The following HS3ST4 variants were observed in gnomAD, a reference collection of about 807,000 sequenced individuals.
HS3ST4 encodes the protein heparan sulfate-glucosamine 3-sulfotransferase 4, also known as heparan sulfate glucosamine 3-O-sulfotransferase 4.
In HS3ST4, 17 loss-of-function variants were observed where a neutral mutation model predicts 29.2. The ratio of observed to expected loss-of-function variants is 0.58; its 90% CI spans 0.40 to 0.87. The LOEUF is 0.87. Among genes scored for constraint, HS3ST4 ranks in the 40% least tolerant of loss-of-function variants. HS3ST4 has a pLI of 0.00. For synonymous variants in HS3ST4, 314 were observed against 285.7 expected (o/e 1.10, Z -1.00); for missense variants, 627 against 634.5 (o/e 0.99, Z 0.13).
At chr16:25,736,727 A>T (rs1179008184) in intron 1 of HS3ST4, among the ~76,000 whole-genome samples, 3 of 152,182 alleles carry the variant, frequency 2.0e-5, no homozygotes. Flanking sequence ...TCCAGTTCCC[A>T]GTGTCCTCCT....
At chr16:25,763,558 G>C (rs1345568124) in intron 1 of HS3ST4, among the ~76,000 whole-genome samples, 3 of 152,184 alleles carry the variant, frequency 2.0e-5, no homozygotes, top group Non-Finnish European at 4.4e-5. Context: ...TGCAGTAATA[G>C]ACACTGTCTA....
chr16:26,106,425 T>G, intron 1 of HS3ST4, among the ~76,000 whole-genome samples: 1 of 152,214 alleles, frequency 6.6e-6, no homozygotes, highest in East Asian at 1.9e-4. Flanking sequence ...ATAAATGAGA[T>G]ATTTTGTATA....
intron 1 of HS3ST4, chr16:25,886,888 GCTGA>G (rs1967959854): frequency 6.6e-6 from 1 of 152,234 alleles, no homozygotes; most frequent in Non-Finnish European, 1.5e-5. Flanking sequence ...CCAGCATGGA[GCTGA>G]CTGTTTGTCC....
intron 1 of HS3ST4, among the ~76,000 whole-genome samples, chr16:25,887,302 G>A (rs767481125): frequency 1.3e-5 from 2 of 152,110 alleles, no homozygotes; most frequent in Non-Finnish European, 2.9e-5. Context: ...AAGTAGGAAG[G>A]TGGCACAGGG....
intron 1 of HS3ST4, among the ~76,000 whole-genome samples, chr16:26,059,995 G>C (rs937376758): frequency 2.0e-5 from 3 of 152,048 alleles, no homozygotes; most frequent in African/African-American, 7.2e-5. Context: ...GGCCAGGCTG[G>C]TCTCAAACTC....
At chr16:25,757,230 C>T (rs865868429) in intron 1 of HS3ST4, among the ~76,000 whole-genome samples, 30 of 152,218 alleles carry the variant, frequency 2.0e-4, no homozygotes, top group Admixed American at 7.2e-4. Flanking sequence ...ATCCCAGTAC[C>T]ACATTATTTT....
chr16:25,713,257 G>A (rs1966429466), intron 1 of HS3ST4, among the ~76,000 whole-genome samples: 1 of 151,964 alleles, frequency 6.6e-6, no homozygotes. Flanking sequence ...GGTCAGGTGT[G>A]GTGGCTCACA....
At chr16:25,828,301 CCTCTCTCTCT>C (rs1196055715) in intron 1 of HS3ST4, among the ~76,000 whole-genome samples, 441 of 32,848 alleles carry the variant, frequency 0.013, 14 homozygotes, top group South Asian at 0.023. Context: ...TCTTTCTTTC[CCTCTCTCTCT>C]CTCTCTCTCT....
At chr16:25,867,105 A>T (rs897417276) in intron 1 of HS3ST4, among the ~76,000 whole-genome samples, 6 of 152,244 alleles carry the variant, frequency 3.9e-5, no homozygotes, top group Admixed American at 1.3e-4. Context: ...TGATAGAATT[A>T]AAACAACTTC....
chr16:25,752,927 T>C (rs937461159), intron 1 of HS3ST4, among the ~76,000 whole-genome samples: 1 of 152,220 alleles, frequency 6.6e-6, no homozygotes, highest in Non-Finnish European at 1.5e-5. Flanking sequence ...GACGGTATTA[T>C]AGAGGGAGTG....
chr16:25,936,099 T>G (rs1008367655), intron 1 of HS3ST4, among the ~76,000 whole-genome samples: 6 of 152,170 alleles, frequency 3.9e-5, no homozygotes, highest in African/African-American at 1.4e-4. Context: ...TGACTTCTGC[T>G]GAGCAACTGA....
At chr16:25,706,294 C>T (rs1408345472) in intron 1 of HS3ST4, among the ~76,000 whole-genome samples, 1 of 152,138 alleles carries the variant, frequency 6.6e-6, no homozygotes, top group Non-Finnish European at 1.5e-5. Context: ...ATTGACCTAT[C>T]CTCTCTTTTC....
At chr16:26,078,209 C>T (rs766145381) in intron 1 of HS3ST4, among the ~76,000 whole-genome samples, 4 of 152,074 alleles carry the variant, frequency 2.6e-5, no homozygotes, top group Non-Finnish European at 5.9e-5. Flanking sequence ...GGCATGATCT[C>T]GGCACACTGC....
chr16:25,758,200 T>C (rs1026923473), intron 1 of HS3ST4, among the ~76,000 whole-genome samples: 1 of 152,202 alleles, frequency 6.6e-6, no homozygotes, highest in Non-Finnish European at 1.5e-5. Context: ...CCTGCTTCTT[T>C]CTTACCCACT....
chr16:25,967,987 T>C (rs1351381931), intron 1 of HS3ST4, among the ~76,000 whole-genome samples: 2 of 152,192 alleles, frequency 1.3e-5, no homozygotes, highest in East Asian at 3.9e-4. Flanking sequence ...AGCTCAGAAA[T>C]CATCCCAATG....
rs149862493 is a variant in HS3ST4 at position 25,991,045 on chromosome 16, G to A, written c.735-144567G>A. ...GAATACAGAAACCCAGAGCGTCACCGGCCTCACCAGGACCTCAGCATGCTC... is the reference window on the plus strand; with the variant it reads ...GAATACAGAAACCCAGAGCGTCACCAGCCTCACCAGGACCTCAGCATGCTC... On this transcript the variant is annotated intron_variant, in intron 1 of 1. Coordinates refer to ENST00000331351, the MANE Select transcript of HS3ST4 (RefSeq NM_006040.3). 2.1e-4 allele frequency among the ~76,000 whole-genome samples: 31 copies of A among 148,668 alleles called. No homozygotes were observed. In the East Asian group the frequency reaches 5.2e-3, roughly 25 times the overall value.
chr16:26,115,966 T>C (rs1321199560), intron 1 of HS3ST4, among the ~76,000 whole-genome samples: 1 of 152,250 alleles, frequency 6.6e-6, no homozygotes, highest in African/African-American at 2.4e-5. Context: ...TGATTCTCTA[T>C]AGCTGCGTAA....
At chr16:26,112,840 T>G (rs1464107094) in intron 1 of HS3ST4, among the ~76,000 whole-genome samples, 1 of 152,160 alleles carries the variant, frequency 6.6e-6, no homozygotes, top group East Asian at 1.9e-4. Flanking sequence ...AAGAGTCAGA[T>G]GAATGTGAAC....
chr16:25,858,293 T>C (rs367726341), intron 1 of HS3ST4, among the ~76,000 whole-genome samples: 1 of 152,130 alleles, frequency 6.6e-6, no homozygotes, highest in African/African-American at 2.4e-5. Flanking sequence ...CATAGAAATA[T>C]TTATTCTGAT....
Sources: gnomAD v4.1 joint callset for allele counts (sites outside exome capture counted in the v4.1 genomes callset) on GRCh38, gnomAD v4.1.1 for gene constraint, MANE v1.5 for transcripts, NCBI Gene and HGNC (gene_info 2026-07-23, HGNC 2026-07-21) for gene names.